MAML2: variants seen among roughly 807,000 people sequenced by gnomAD.
MAML2 encodes mastermind-like protein 2.
In MAML2, 22 loss-of-function variants were observed where a neutral mutation model predicts 96.1. The ratio of observed to expected loss-of-function variants is 0.23; its 90% CI spans 0.16 to 0.33. MAML2 has a LOEUF of 0.33. MAML2 is among the 10% of genes least tolerant of loss of function. The probability of loss-of-function intolerance (pLI) is 1.00; values close to 1 mark genes in which losing one functional copy is unlikely to be tolerated. For synonymous variants in MAML2, 561 were observed against 521.3 expected (o/e 1.08, Z -1.04); for missense variants, 1,367 against 1,392.4 (o/e 0.98, Z 0.29).
In MAML2 at chr11:96,142,518, C is replaced by G. The variant is rs889517087; in HGVS notation, c.514-49001G>C. Among the ~76,000 whole-genome samples the G allele has an allele frequency of 2.6e-5, 4 of 152,208 alleles. No homozygotes were observed. The East Asian group carries it at 7.7e-4, about 29-fold the overall frequency. ...TGGAGATCTAAGATCTCATAACCCT[C>G]AGGTTCCAGTACGATGTTATTGCAG... On this transcript the variant is annotated intron_variant, in intron 1 of 4. Transcript: ENST00000524717.
At chr11:96,319,856 A>AT (rs1166379523) in intron 1 of MAML2, among the ~76,000 whole-genome samples, 10 of 152,220 alleles carry the variant, frequency 6.6e-5, no homozygotes, top group Non-Finnish European at 1.0e-4. Context: ...TAATCCGATA[A>AT]TTTTTTATTG....
chr11:96,175,057 G>A (rs1437031474), intron 1 of MAML2, among the ~76,000 whole-genome samples: 1 of 152,202 alleles, frequency 6.6e-6, no homozygotes, highest in African/African-American at 2.4e-5. Flanking sequence ...AAGCAGGAAG[G>A]GGAAAACTAG....
chr11:96,041,525 GGA>G (rs149796877), intron 2 of MAML2, among the ~76,000 whole-genome samples: 1,832 of 140,624 alleles, frequency 0.013, 26 homozygotes, highest in African/African-American at 0.033. Flanking sequence ...GGGAAGGAAG[GGA>G]AGGAAGGAGG....
chr11:96,322,204 C>G (rs1170719936), intron 1 of MAML2, among the ~76,000 whole-genome samples: 1 of 152,086 alleles, frequency 6.6e-6, no homozygotes, highest in Non-Finnish European at 1.5e-5. Flanking sequence ...TAGCTTTAAC[C>G]TTTTCTCCAA....
chr11:96,291,211 C>T (rs1055063859), intron 1 of MAML2, among the ~76,000 whole-genome samples: 3 of 148,912 alleles, frequency 2.0e-5, no homozygotes, highest in Non-Finnish European at 4.4e-5. Context: ...CTGTAACCTC[C>T]GCCTCCCAGG....
At chr11:96,318,648 G>C (rs1366660755) in intron 1 of MAML2, among the ~76,000 whole-genome samples, 1 of 152,188 alleles carries the variant, frequency 6.6e-6, no homozygotes, top group Non-Finnish European at 1.5e-5. Flanking sequence ...CCACTGACCT[G>C]TGAGATTTGC....
chr11:96,092,371 C>A lies in MAML2; in HGVS notation c.1660G>T (p.Gly554Cys), dbSNP rs1253501876. The A allele has an allele frequency of 1.2e-6, 2 of 1,613,624 alleles. No individual in the cohort carries two copies. Among genetic ancestry groups the A allele is most frequent in the African/African-American group, 2.7e-5 (2 of 74,876 alleles). ...AAATGAAACAAAGGCTTGGTGTTGC[C>A]CTGACGGGGCTCCATGGCTGGGTGC... ...NPHPAMEPRQGNTKPLFHFNS... is the reference protein window; with the variant it reads ...NPHPAMEPRQCNTKPLFHFNS... The change falls in exon 2 of 5, where the codon GGC (glycine) becomes TGC (cysteine). Residue 554 changes from glycine to cysteine, a missense_variant. Physicochemically the swap from Gly to Cys is radical, Grantham distance 159. Transcript: ENST00000524717. The surrounding 1 kb of genome is among the most constrained non-coding windows in gnomAD (Gnocchi z 4.1).
At chr11:96,189,736 C>T (rs1861625751) in intron 1 of MAML2, among the ~76,000 whole-genome samples, 1 of 152,138 alleles carries the variant, frequency 6.6e-6, no homozygotes, top group South Asian at 2.1e-4. Context: ...TTGTAGGTGT[C>T]CTTGCTGAAA....
chr11:96,071,087 G>A (rs1312372347), intron 2 of MAML2, among the ~76,000 whole-genome samples: 1 of 152,236 alleles, frequency 6.6e-6, no homozygotes, highest in African/African-American at 2.4e-5. Context: ...GAGAAGGTGG[G>A]TAGAGGCTTA....
intron 1 of MAML2, among the ~76,000 whole-genome samples, chr11:96,257,206 G>T (rs186691367): frequency 2.5e-4 from 38 of 152,262 alleles, no homozygotes; most frequent in Middle Eastern, 3.4e-3. Flanking sequence ...ATTTCCTGTA[G>T]CCCATCCACT....
chr11:96,282,038 A>G (rs975183417), intron 1 of MAML2, among the ~76,000 whole-genome samples: 1 of 152,052 alleles, frequency 6.6e-6, no homozygotes, highest in Non-Finnish European at 1.5e-5. Flanking sequence ...TCACGAGGTC[A>G]GGAGATTGAG....
chr11:96,144,230 T>C (rs1860779087), intron 1 of MAML2, among the ~76,000 whole-genome samples: 1 of 152,224 alleles, frequency 6.6e-6, no homozygotes, highest in African/African-American at 2.4e-5. Context: ...GGGAAGATGC[T>C]GAGTAACATT....
intron 1 of MAML2, among the ~76,000 whole-genome samples, chr11:96,107,702 G>A (rs1428004588): frequency 1.3e-5 from 2 of 152,192 alleles, no homozygotes; most frequent in Non-Finnish European, 2.9e-5. Context: ...CCAGGGAGGA[G>A]AGAGGGGCTA....
At position 96,302,563 on chromosome 11, in the gene MAML2, C is replaced by G. The variant is rs16923524; in HGVS notation, c.513+38820G>C. 8.4e-3 allele frequency among the ~76,000 whole-genome samples: 1,283 copies of G among 152,278 alleles called. 24 individuals are homozygous for G. Among genetic ancestry groups the G allele is most frequent in the African/African-American group, 0.029 (1,205 of 41,550 alleles). On this transcript the variant is annotated intron_variant, in intron 1 of 4. Coordinates refer to ENST00000524717, the MANE Select transcript of MAML2 (RefSeq NM_032427.4). ...GGGGAGAATGGCACTTGGATATAAA[C>G]CAGCTGGAGCTGATTCTCCCCTGAG...
At chr11:96,078,144 G>T (rs1859473180) in intron 2 of MAML2, among the ~76,000 whole-genome samples, 1 of 152,158 alleles carries the variant, frequency 6.6e-6, no homozygotes, top group African/African-American at 2.4e-5. Flanking sequence ...AGTGCTCTGT[G>T]CACATCTGGG....
At chr11:96,152,352 C>A (rs1860937142) in intron 1 of MAML2, among the ~76,000 whole-genome samples, 1 of 152,224 alleles carries the variant, frequency 6.6e-6, no homozygotes, top group African/African-American at 2.4e-5. Context: ...CGAGAAACAA[C>A]TTATTCCCAA....
At chr11:96,063,051 G>A (rs1242647937) in intron 2 of MAML2, among the ~76,000 whole-genome samples, 1 of 151,782 alleles carries the variant, frequency 6.6e-6, no homozygotes, top group African/African-American at 2.4e-5. Context: ...TTATGATTTG[G>A]TGCCCGTCTC....
intron 1 of MAML2, among the ~76,000 whole-genome samples, chr11:96,315,847 G>T (rs1483081241): frequency 6.6e-6 from 1 of 152,194 alleles, no homozygotes; most frequent in Non-Finnish European, 1.5e-5. Context: ...GACTACACAA[G>T]CTTCAGTTTT....
intron 2 of MAML2, among the ~76,000 whole-genome samples, chr11:96,089,023 C>A (rs531762019): frequency 6.6e-6 from 1 of 151,280 alleles, no homozygotes; most frequent in South Asian, 2.1e-4. Flanking sequence ...CACAGTAAAT[C>A]GTCCTGTTTG....
Sources: allele counts gnomAD v4.1 joint callset (sites outside exome capture counted in the v4.1 genomes callset), GRCh38; gene constraint gnomAD v4.1.1; non-coding constraint Gnocchi (gnomAD v3.1); transcripts MANE v1.5; gene names NCBI Gene and HGNC (gene_info 2026-07-23, HGNC 2026-07-21).